The following NLRP5 variants were observed in gnomAD, a reference collection of about 807,000 sequenced individuals.
The protein encoded by NLRP5 is NLR family pyrin domain containing 5.
NLRP5 carries 93 observed loss-of-function variants against 113.1 expected under a neutral mutation model. The ratio of observed to expected loss-of-function variants is 0.82; its 90% CI spans 0.70 to 0.98. The LOEUF is 0.98. Among genes scored for constraint, NLRP5 ranks in the 50% least tolerant of loss-of-function variants. The pLI is 0.00. For synonymous variants in NLRP5, 751 were observed against 600.7 expected (o/e 1.25, Z -3.66); for missense variants, 1,808 against 1,514.3 (o/e 1.19, Z -3.22).
chr19:56,037,996 G>A (rs1983381455), intron 9 of NLRP5, 29 bp from the exon 10 acceptor site: 1 of 1,612,542 alleles, frequency 6.2e-7, no homozygotes, highest in Admixed American at 1.7e-5. Flanking sequence ...ACAAGAGCTG[G>A]GATTGCTTCA....
intron 13 of NLRP5, among the ~76,000 whole-genome samples, chr19:56,055,876 C>G (rs1242147885): frequency 6.6e-6 from 1 of 152,080 alleles, no homozygotes; most frequent in Non-Finnish European, 1.5e-5. Flanking sequence ...CAGTGTCTCC[C>G]TTAGCCTTCT....
chr19:56,048,977 T>TTA (rs1555770465), intron 11 of NLRP5, among the ~76,000 whole-genome samples: 4,843 of 115,344 alleles, frequency 0.042, 153 homozygotes, highest in South Asian at 0.063. Flanking sequence ...TTTTTTTTTT[T>TTA]AATTTTTTTT....
intron 3 of NLRP5, among the ~76,000 whole-genome samples, chr19:56,013,261 C>T (rs902054725): frequency 2.0e-5 from 3 of 152,054 alleles, no homozygotes; most frequent in Non-Finnish European, 2.9e-5. Flanking sequence ...GGTGCGATCT[C>T]GGCTCACTGC....
chr19:56,060,590 C>T (rs149801809), intron 14 of NLRP5, among the ~76,000 whole-genome samples: 9 of 152,102 alleles, frequency 5.9e-5, no homozygotes, highest in South Asian at 2.1e-4. Flanking sequence ...TAACACGACC[C>T]GGCACAGAGA....
Position 56,034,929 on chromosome 19 carries a change from T to C in NLRP5, c.2615+1220T>C, listed in dbSNP as rs542378226. Among the ~76,000 whole-genome samples, 3 of 152,266 alleles carry C rather than the reference T, an allele frequency of 2.0e-5. No individual in the cohort carries two copies. In the South Asian group the frequency reaches 6.2e-4, roughly 32 times the overall value. ...TAGCTTGGTTTAGAGATACAACTATTTAATGTTTATATAGTTTTCTTTTCT... is the reference window on the plus strand; with the variant it reads ...TAGCTTGGTTTAGAGATACAACTATCTAATGTTTATATAGTTTTCTTTTCT... On this transcript the variant is annotated intron_variant, in intron 9 of 14. Transcript: ENST00000390649.
At chr19:55,986,941 C>A in the NLRP5 span, among the ~76,000 whole-genome samples, 2 of 152,148 alleles carry the variant, frequency 1.3e-5, no homozygotes, top group African/African-American at 4.8e-5. Flanking sequence ...TGCTCAAAGC[C>A]CAGGACCAAA....
chr19:56,048,990 T>A (rs1014668044), intron 11 of NLRP5, among the ~76,000 whole-genome samples: 6 of 135,840 alleles, frequency 4.4e-5, no homozygotes, highest in African/African-American at 1.4e-4. Flanking sequence ...TTTTTTTTTT[T>A]TTTTTTTTTG....
At chr19:56,055,533 CTGTCTTTTTTTTTTTT>C (rs1289217911) in intron 13 of NLRP5, among the ~76,000 whole-genome samples, 1 of 99,500 alleles carries the variant, frequency 1.0e-5, no homozygotes, top group Admixed American at 1.2e-4. Context: ...TTTTCTTTCT[CTGTCTTTTTTTTTTTT>C]TTTTTTTTTT....
At chr19:56,009,937 A>G (rs1183264736) in intron 3 of NLRP5, among the ~76,000 whole-genome samples, 1 of 152,196 alleles carries the variant, frequency 6.6e-6, no homozygotes, top group Admixed American at 6.5e-5. Context: ...TTTGATGTCA[A>G]TCTAGGCTTC....
the NLRP5 span, chr19:55,987,954 C>T: frequency 1.4e-6 from 2 of 1,464,150 alleles, no homozygotes; most frequent in Non-Finnish European, 1.9e-6. Flanking sequence ...TTGATCAGTT[C>T]CCACTCTGAC....
intron 4 of NLRP5, among the ~76,000 whole-genome samples, chr19:56,018,044 T>A (rs1279153306): frequency 6.6e-6 from 1 of 152,190 alleles, no homozygotes; most frequent in Non-Finnish European, 1.5e-5. Flanking sequence ...ACACAGTTCT[T>A]CCCATCTTCT....
At chr19:56,058,971 T>C (rs1054580420) in intron 14 of NLRP5, among the ~76,000 whole-genome samples, 1 of 152,174 alleles carries the variant, frequency 6.6e-6, no homozygotes, top group Non-Finnish European at 1.5e-5. Context: ...AGACAAATAC[T>C]GTAGGATTCT....
chr19:56,027,408 G>A lies in NLRP5; in HGVS notation c.1175G>A (p.Arg392His), dbSNP rs770891485. The A allele has an allele frequency of 2.7e-5, 44 of 1,613,180 alleles. No homozygotes were observed. Among genetic ancestry groups the A allele is most frequent in the African/African-American group, 4.0e-5 (3 of 74,908 alleles). ...AAGCAGCCTCCGTTCACCCTCATAC[G>A]CAGTCTGCTGAGGAAGGTCCTGCTC... Residue 392 changes from arginine to histidine, a missense_variant, in exon 7 of 15, where the codon CGC becomes CAC. By Grantham distance (29) the Arg-to-His change is conservative (BLOSUM62 0). Transcript: ENST00000390649.
chr19:56,040,186 GTCC>G (rs1284472474), intron 10 of NLRP5, among the ~76,000 whole-genome samples: 5 of 152,068 alleles, frequency 3.3e-5, no homozygotes, highest in Non-Finnish European at 7.4e-5. Flanking sequence ...GGCTCAAACA[GTCC>G]TCCTGCCTCA....
At chr19:55,993,995 C>T in the NLRP5 span, among the ~76,000 whole-genome samples, 7 of 151,550 alleles carry the variant, frequency 4.6e-5, no homozygotes, top group East Asian at 3.9e-4. Flanking sequence ...ATCACCAGAT[C>T]GCTGGATCAT....
chr19:56,017,353 G>A (rs975858051), intron 4 of NLRP5, among the ~76,000 whole-genome samples: 2 of 150,260 alleles, frequency 1.3e-5, no homozygotes, highest in Admixed American at 1.3e-4. Flanking sequence ...CCCCAAAAGG[G>A]GGTTCTTTCC....
At chr19:55,991,848 G>A in the NLRP5 span, among the ~76,000 whole-genome samples, 1 of 152,108 alleles carries the variant, frequency 6.6e-6, no homozygotes, top group African/African-American at 2.4e-5. Context: ...AAAACTGAAC[G>A]GAAGTGCTGA....
At chr19:56,058,198 A>G (rs1984227008) in intron 13 of NLRP5, 42 bp from the exon 14 acceptor site, 1 of 1,524,102 alleles carries the variant, frequency 6.6e-7, no homozygotes, top group East Asian at 2.3e-5. Context: ...AGGGTCCATC[A>G]TCGATCTTTG....
At chr19:56,056,094 CACA>C (rs1345502145) in intron 13 of NLRP5, among the ~76,000 whole-genome samples, 2 of 152,172 alleles carry the variant, frequency 1.3e-5, no homozygotes, top group African/African-American at 4.8e-5. Flanking sequence ...GAGTCAATTT[CACA>C]ACAATTCATT....
Sources: gnomAD v4.1 joint callset for allele counts (sites outside exome capture counted in the v4.1 genomes callset) on GRCh38, gnomAD v4.1.1 for gene constraint, MANE v1.5 for transcripts, NCBI Gene and HGNC (gene_info 2026-07-23, HGNC 2026-07-21) for gene names.